SHISA9: variants seen among roughly 807,000 people sequenced by gnomAD.
The protein encoded by SHISA9 is protein shisa-9.
Under a neutral mutation model 38.0 loss-of-function variants are expected in SHISA9, and 13 were observed. That is an observed-to-expected ratio of 0.34 (90% CI 0.22 to 0.54). The LOEUF is 0.54. Among genes scored for constraint, SHISA9 ranks in the 20% least tolerant of loss-of-function variants. The probability of loss-of-function intolerance (pLI) is 0.91; values close to 1 mark genes in which losing one functional copy is unlikely to be tolerated. For synonymous variants in SHISA9, 275 were observed against 242.0 expected, an observed-to-expected ratio of 1.14 and a Z score of -1.27; for missense variants, 538 against 575.8, an observed-to-expected ratio of 0.93 and a Z score of 0.67.
chr16:13,284,497 G>C, the SHISA9 span, among the ~76,000 whole-genome samples: 1 of 152,144 alleles, frequency 6.6e-6, no homozygotes. Context: ...ACACACAGGT[G>C]ATCAATAAAA....
At chr16:13,013,342 C>A (rs889942539) in intron 2 of SHISA9, among the ~76,000 whole-genome samples, 4 of 152,152 alleles carry the variant, frequency 2.6e-5, no homozygotes, top group Non-Finnish European at 5.9e-5. Flanking sequence ...TGTTTCTTAG[C>A]CTGGGGCCTG....
chr16:13,442,999 G>C, the SHISA9 span, among the ~76,000 whole-genome samples: 7 of 152,118 alleles, frequency 4.6e-5, no homozygotes, highest in Non-Finnish European at 1.0e-4. Flanking sequence ...CCTTTAGTTT[G>C]AGAGACTTCT....
the SHISA9 span, among the ~76,000 whole-genome samples, chr16:13,444,555 T>G: frequency 6.6e-6 from 1 of 152,148 alleles, no homozygotes; most frequent in Non-Finnish European, 1.5e-5. Flanking sequence ...GTCCTTTATG[T>G]TCTCCAACTT....
At chr16:13,199,968 A>C (rs1370298454) in intron 2 of SHISA9, among the ~76,000 whole-genome samples, 4 of 152,146 alleles carry the variant, frequency 2.6e-5, no homozygotes, top group African/African-American at 9.7e-5. Context: ...GAACATGGGA[A>C]GTTGCCAGTG....
chr16:13,171,600 T>C (rs1323101056), intron 2 of SHISA9, among the ~76,000 whole-genome samples: 1 of 151,926 alleles, frequency 6.6e-6, no homozygotes, highest in Admixed American at 6.6e-5. Context: ...CTTGCCAGGG[T>C]TCTGCCCTGG....
At chr16:12,975,877 AT>A (rs113369786) in intron 2 of SHISA9, among the ~76,000 whole-genome samples, 23,585 of 144,700 alleles carry the variant, frequency 0.16, 1,840 homozygotes, top group East Asian at 0.2. Context: ...TTGAACAGCA[AT>A]TTTTTTTTTT....
At chr16:13,489,387 A>G in the SHISA9 span, among the ~76,000 whole-genome samples, 1 of 152,108 alleles carries the variant, frequency 6.6e-6, no homozygotes, top group East Asian at 1.9e-4. Context: ...TCTGTTGTTA[A>G]GCGATGTATG....
chr16:13,472,706 T>G, the SHISA9 span, among the ~76,000 whole-genome samples: 4 of 152,162 alleles, frequency 2.6e-5, no homozygotes, highest in Non-Finnish European at 4.4e-5. Flanking sequence ...CTAAAATTTT[T>G]AAATGATCTT....
At chr16:12,943,222 C>T (rs2071634931) in intron 2 of SHISA9, among the ~76,000 whole-genome samples, 1 of 149,704 alleles carries the variant, frequency 6.7e-6, no homozygotes, top group Admixed American at 6.7e-5. Context: ...TGGGTGGGGT[C>T]AACTCCACCC....
the SHISA9 span, among the ~76,000 whole-genome samples, chr16:13,542,295 C>T: frequency 2.0e-5 from 3 of 152,126 alleles, no homozygotes; most frequent in Non-Finnish European, 2.9e-5. Flanking sequence ...TCACAGCAGT[C>T]CCAGAAAGCT....
chr16:13,379,367 C>T, the SHISA9 span, among the ~76,000 whole-genome samples: 1 of 152,166 alleles, frequency 6.6e-6, no homozygotes, highest in Non-Finnish European at 1.5e-5. Flanking sequence ...CAGCATCATA[C>T]TGACTTTTGG....
At position 13,218,987 on chromosome 16, in the gene SHISA9, G is replaced by C. The variant is rs150692313; in HGVS notation, c.895+5687G>C. ...TTGGTCATGAGCCGCCGGGTGCAAA[G>C]CAGGTGGAAGACAGGAGGGTGATGT... On this transcript the variant is annotated intron_variant, in intron 4 of 4. Transcript: ENST00000558583. 1.2e-4 allele frequency among the ~76,000 whole-genome samples: 18 copies of C among 152,324 alleles called. 1 individual carries two copies. The highest frequency in any genetic ancestry group is 1.0e-3 in the South Asian group (5 of 4,826).
chr16:13,280,233 T>C, the SHISA9 span, among the ~76,000 whole-genome samples: 1 of 151,480 alleles, frequency 6.6e-6, no homozygotes, highest in East Asian at 1.9e-4. Context: ...TCCCTTGATT[T>C]CTATTCCATT....
At chr16:12,975,596 G>A (rs1232411822) in intron 2 of SHISA9, among the ~76,000 whole-genome samples, 3 of 146,144 alleles carry the variant, frequency 2.1e-5, no homozygotes, top group Non-Finnish European at 4.5e-5. Context: ...AACATATTTA[G>A]GTGATAATGA....
At chr16:13,036,281 T>C (rs1203197078) in intron 2 of SHISA9, among the ~76,000 whole-genome samples, 1 of 152,234 alleles carries the variant, frequency 6.6e-6, no homozygotes, top group Non-Finnish European at 1.5e-5. Flanking sequence ...TTGTGTGATA[T>C]ATTTTAACAA....
In SHISA9 at chr16:13,124,099, C is replaced by T. The variant is rs529914667; in HGVS notation, c.692-79295C>T. Among the ~76,000 whole-genome samples, 11 of 152,160 alleles carry T rather than the reference C, an allele frequency of 7.2e-5. No homozygotes were observed. In the South Asian group the frequency reaches 2.1e-3, roughly 29 times the overall value. On this transcript the variant is annotated intron_variant, in intron 2 of 4. Coordinates refer to ENST00000558583, the MANE Select transcript of SHISA9 (RefSeq NM_001145204.3). ...TGGTATACAGGTGACTCTAATGCCC[C>T]CTTCCCATGACTGAACTTCAGGGGC...
At chr16:13,195,318 C>T (rs116014713) in intron 2 of SHISA9, among the ~76,000 whole-genome samples, 1,971 of 152,130 alleles carry the variant, frequency 0.013, 38 homozygotes, top group African/African-American at 0.044. Context: ...AAATAGTTTC[C>T]GATTCCCAAA....
At chr16:13,482,406 T>C in the SHISA9 span, among the ~76,000 whole-genome samples, 2 of 152,254 alleles carry the variant, frequency 1.3e-5, no homozygotes, top group African/African-American at 2.4e-5. Flanking sequence ...CACCATGCCA[T>C]GTGGGTTTCC....
the SHISA9 span, among the ~76,000 whole-genome samples, chr16:13,410,701 G>A: frequency 6.6e-6 from 1 of 152,144 alleles, no homozygotes; most frequent in Admixed American, 6.6e-5. Context: ...TATAACATTG[G>A]GAGATCTCAA....
Sources: gnomAD v4.1 joint callset for allele counts (sites outside exome capture counted in the v4.1 genomes callset) on GRCh38, gnomAD v4.1.1 for gene constraint, MANE v1.5 for transcripts, NCBI Gene and HGNC (gene_info 2026-07-23, HGNC 2026-07-21) for gene names.